Variants in SEPTIN10 observed in about 807,000 individuals in gnomAD.
The protein encoded by SEPTIN10 is septin 10, also known as septin-10.
In SEPTIN10, 66 loss-of-function variants were observed where a neutral mutation model predicts 54.8. The observed-to-expected ratio is 1.21, with a 90% CI of 0.99 to 1.48. SEPTIN10 has a LOEUF of 1.48. Among genes scored for constraint, SEPTIN10 ranks in the 40% most tolerant of loss-of-function variants. SEPTIN10 has a pLI of 0.00. For missense variants in SEPTIN10, 620 were observed against 545.6 expected (o/e 1.14, Z -1.36); for synonymous variants, 161 against 181.0 (o/e 0.89, Z 0.89).
intron 10 of SEPTIN10, chr2:109,545,282 A>G: frequency 2.8e-6 from 4 of 1,421,376 alleles, no homozygotes; most frequent in Non-Finnish European, 3.7e-6. Context: ...GGGATACTTA[A>G]GTGGGAGAAA....
intron 4 of SEPTIN10, among the ~76,000 whole-genome samples, chr2:109,577,632 C>T (rs771846888): frequency 4.0e-5 from 6 of 150,140 alleles, no homozygotes; most frequent in Admixed American, 1.3e-4. Context: ...AGAGAGAACT[C>T]GGTCGGATAG....
At chr2:109,599,371 C>T (rs1185614358) in intron 1 of SEPTIN10, among the ~76,000 whole-genome samples, 1 of 150,120 alleles carries the variant, frequency 6.7e-6, no homozygotes, top group African/African-American at 2.5e-5. Context: ...GGCAGAAGAA[C>T]TGCTTGAACT....
At chr2:109,574,962 A>G (rs1374000643) in intron 4 of SEPTIN10, among the ~76,000 whole-genome samples, 195 bp from the exon 5 acceptor site, 1 of 152,352 alleles carries the variant, frequency 6.6e-6, no homozygotes, top group Non-Finnish European at 1.5e-5. Context: ...TCAACTTACA[A>G]TGGGGTTATA....
In SEPTIN10 at chr2:109,543,876, A is replaced by G. The variant is rs556486925; in HGVS notation, c.*433T>C. Reference sequence around the variant, plus strand: ...TTTCAGGTTTGGAATATCTGCATATACACAACGGGACCCGACTCTAATTAC... The same window carrying G: ...TTTCAGGTTTGGAATATCTGCATATGCACAACGGGACCCGACTCTAATTAC... On this transcript the variant is annotated 3_prime_UTR_variant, in exon 11 of 11. Coordinates refer to ENST00000397712, the MANE Select transcript of SEPTIN10 (RefSeq NM_144710.5). The G allele has an allele frequency of 2.1e-4, 78 of 370,116 alleles. No homozygotes were observed. The highest frequency in any genetic ancestry group is 1.6e-3 in the African/African-American group (76 of 47,406). 22.9% of individuals were successfully genotyped at this position (370,116 alleles called of 1,614,324 possible). A position where few individuals can be genotyped will look rare whatever the true frequency, so the allele number is the denominator to read the frequency against.
At chr2:109,552,885 T>TA (rs764312757) in intron 9 of SEPTIN10, 578 of 543,044 alleles carry the variant, frequency 1.1e-3, no homozygotes, top group Middle Eastern at 1.5e-3. Context: ...TGTACTGCTT[T>TA]AAAAAAAAAG....
intron 9 of SEPTIN10, 88 bp from the exon 10 acceptor site, chr2:109,546,325 T>A: frequency 1.3e-6 from 1 of 789,802 alleles, no homozygotes; most frequent in Non-Finnish European, 1.9e-6. Context: ...GCGGACCCCA[T>A]AGCGCAACAC....
intron 2 of SEPTIN10, 106 bp downstream of exon 2, chr2:109,592,945 A>C (rs1335331145): frequency 7.9e-6 from 5 of 634,284 alleles, no homozygotes; most frequent in Non-Finnish European, 1.2e-5. Context: ...GGTAAGTACA[A>C]ACAGAAGTCT....
At position 109,543,962 on chromosome 2, in the gene SEPTIN10, T is replaced by G. The variant is rs986683133; in HGVS notation, c.*347A>C. On this transcript the variant is annotated 3_prime_UTR_variant, in exon 11 of 11. Coordinates refer to ENST00000397712, the MANE Select transcript of SEPTIN10 (RefSeq NM_144710.5). ...CCTGAAAGTAATTTATACAAAAATT[T>G]TGTGCAAGAAACAAAATCTGTTTAA... 2.6e-5 allele frequency: 15 copies of G among 578,974 alleles called. No homozygotes were observed. The highest frequency in any genetic ancestry group is 1.0e-4 in the Admixed American group (3 of 29,592). 35.9% of individuals were successfully genotyped at this position (578,974 alleles called of 1,614,324 possible).
intron 4 of SEPTIN10, among the ~76,000 whole-genome samples, chr2:109,581,928 A>G (rs2105683282): frequency 6.6e-6 from 1 of 152,342 alleles, no homozygotes; most frequent in Non-Finnish European, 1.5e-5. Flanking sequence ...ACAACTCTAA[A>G]GACTCCGCCA....
At chr2:109,574,315 A>G (rs1689075208) in intron 5 of SEPTIN10, among the ~76,000 whole-genome samples, 1 of 151,780 alleles carries the variant, frequency 6.6e-6, no homozygotes, top group South Asian at 2.1e-4. Flanking sequence ...GTGTGGTAGT[A>G]CATGCCTATA....
At chr2:109,585,605 T>A (rs557491728) in intron 3 of SEPTIN10, 116 bp downstream of exon 3, 6 of 821,120 alleles carry the variant, frequency 7.3e-6, no homozygotes, top group Non-Finnish European at 1.0e-5. Flanking sequence ...CTAAAGAGAA[T>A]CCCTGGGATC....
At chr2:109,548,863 G>A (rs1682080451) in intron 9 of SEPTIN10, among the ~76,000 whole-genome samples, 1 of 150,332 alleles carries the variant, frequency 6.7e-6, no homozygotes, top group South Asian at 2.1e-4. Context: ...AAACCAGAGA[G>A]CTAAACTCTG....
chr2:109,569,879 C>T (rs1289878573), intron 5 of SEPTIN10, among the ~76,000 whole-genome samples: 2 of 152,010 alleles, frequency 1.3e-5, no homozygotes, highest in African/African-American at 4.8e-5. Context: ...GTCAAGCAGT[C>T]GAATGTTCTG....
intron 8 of SEPTIN10, among the ~76,000 whole-genome samples, chr2:109,556,029 T>C (rs549543765): frequency 1.3e-5 from 2 of 152,330 alleles, no homozygotes; most frequent in Non-Finnish European, 2.9e-5. Flanking sequence ...GCCTCATTCA[T>C]CTCTGTGACT....
chr2:109,571,552 T>C (rs1558777642), intron 5 of SEPTIN10, among the ~76,000 whole-genome samples: 1 of 152,172 alleles, frequency 6.6e-6, no homozygotes, highest in African/African-American at 2.4e-5. Flanking sequence ...TCTAAACATA[T>C]CTAAACACAG....
chr2:109,570,527 G>GT (rs34393876), intron 5 of SEPTIN10, among the ~76,000 whole-genome samples: 53,937 of 147,048 alleles, frequency 0.37, 10,914 homozygotes, highest in Middle Eastern at 0.57. Context: ...ATTGTATCAG[G>GT]TTTTTTTTTT....
At chr2:109,567,537 A>G (rs980083966) in intron 6 of SEPTIN10, among the ~76,000 whole-genome samples, 3 of 152,222 alleles carry the variant, frequency 2.0e-5, no homozygotes, top group Non-Finnish European at 4.4e-5. Flanking sequence ...AGGCAATTAC[A>G]TATGGCTGCA....
intron 1 of SEPTIN10, among the ~76,000 whole-genome samples, chr2:109,598,013 C>A (rs1695681014): frequency 1.3e-5 from 2 of 152,154 alleles, no homozygotes; most frequent in Non-Finnish European, 2.9e-5. Flanking sequence ...CTTAAGCAGA[C>A]CAATGAGCCT....
At chr2:109,583,707 A>G (rs1573666683) in intron 4 of SEPTIN10, among the ~76,000 whole-genome samples, 1 of 152,182 alleles carries the variant, frequency 6.6e-6, no homozygotes, top group South Asian at 2.1e-4. Flanking sequence ...TCATAGCTCT[A>G]TTCACAATAG....
Sources: allele counts gnomAD v4.1 joint callset (sites outside exome capture counted in the v4.1 genomes callset), GRCh38; gene constraint gnomAD v4.1.1; transcripts MANE v1.5; gene names NCBI Gene and HGNC (gene_info 2026-07-23, HGNC 2026-07-21).